The following SLC27A6 variants were observed in gnomAD, a reference collection of about 807,000 sequenced individuals.
The protein encoded by SLC27A6 is long-chain fatty acid transport protein 6.
In SLC27A6, 74 loss-of-function variants were observed where a neutral mutation model predicts 63.9. That is an observed-to-expected ratio of 1.16 (90% CI 0.96 to 1.40). SLC27A6 has a LOEUF of 1.40. SLC27A6 is among the 40% of genes most tolerant of loss of function. The probability of loss-of-function intolerance (pLI) is 0.00; values close to 1 mark genes in which losing one functional copy is unlikely to be tolerated. For missense variants in SLC27A6, 794 were observed against 732.9 expected (o/e 1.08, Z -0.96); for synonymous variants, 287 against 260.8 (o/e 1.10, Z -0.97).
intron 5 of SLC27A6, among the ~76,000 whole-genome samples, chr5:129,017,292 C>G (rs946099457): frequency 2.6e-5 from 4 of 151,884 alleles, no homozygotes; most frequent in Non-Finnish European, 5.9e-5. Context: ...TAAAAGACAA[C>G]TAGATAACCT....
intron 4 of SLC27A6, 120 bp downstream of exon 4, chr5:128,990,584 GA>G: frequency 9.5e-7 from 1 of 1,053,214 alleles, no homozygotes; most frequent in South Asian, 1.7e-5. Flanking sequence ...TTTGTTCTTA[GA>G]GCTTCCAAGA....
intron 5 of SLC27A6, among the ~76,000 whole-genome samples, chr5:129,017,098 A>G (rs1288882485): frequency 6.6e-6 from 1 of 152,192 alleles, no homozygotes; most frequent in African/African-American, 2.4e-5. Context: ...ATAAGAAACC[A>G]CTAATCGACA....
chr5:128,997,686 A>G (rs766727124), intron 4 of SLC27A6, among the ~76,000 whole-genome samples: 2 of 152,206 alleles, frequency 1.3e-5, no homozygotes, highest in Non-Finnish European at 2.9e-5. Flanking sequence ...TATGCCATTT[A>G]TGCTAATTCC....
Position 128,982,195 on chromosome 5 carries a change from T to C in SLC27A6, c.482-2938T>C, listed in dbSNP as rs1429130185. 2.6e-5 allele frequency among the ~76,000 whole-genome samples: 4 copies of C among 152,290 alleles called. No homozygotes were observed. In the South Asian group the frequency reaches 8.3e-4, roughly 32 times the overall value. ...GACTCTTCTTTATCCCCTACATGACTCTTTTATTTTAACTTTCTCTATCCT... is the reference window on the plus strand; with the variant it reads ...GACTCTTCTTTATCCCCTACATGACCCTTTTATTTTAACTTTCTCTATCCT... On this transcript the variant is annotated intron_variant, in intron 1 of 9. Transcript: ENST00000262462.
In SLC27A6 at chr5:129,012,840, G is replaced by A. The variant is rs189579436; in HGVS notation, c.970-3045G>A. Among the ~76,000 whole-genome samples, 350 of 151,884 alleles carry A rather than the reference G, an allele frequency of 2.3e-3. 2 individuals are homozygous for A. The highest frequency in any genetic ancestry group is 8.1e-3 in the African/African-American group (336 of 41,482). On this transcript the variant is annotated intron_variant, in intron 4 of 9. Coordinates refer to ENST00000262462, the MANE Select transcript of SLC27A6 (RefSeq NM_001017372.3). ...TTTGGGCTTATGTAATATTTAAGAT[G>A]TATTTTTCATAAACAGGATATAGTT...
At chr5:129,010,212 T>C (rs989209414) in intron 4 of SLC27A6, among the ~76,000 whole-genome samples, 1 of 152,178 alleles carries the variant, frequency 6.6e-6, no homozygotes, top group Non-Finnish European at 1.5e-5. Flanking sequence ...CAGCACTATG[T>C]CAATGAGATT....
At chr5:129,005,737 C>T (rs1580730697) in intron 4 of SLC27A6, among the ~76,000 whole-genome samples, 2 of 151,236 alleles carry the variant, frequency 1.3e-5, no homozygotes, top group African/African-American at 2.4e-5. Flanking sequence ...CTCAGCCTCC[C>T]GAGTAGCTGG....
intron 5 of SLC27A6, among the ~76,000 whole-genome samples, chr5:129,020,533 T>C (rs534470638): frequency 1.3e-5 from 2 of 152,244 alleles, no homozygotes; most frequent in East Asian, 3.9e-4. Flanking sequence ...CTCCTACCTG[T>C]CATATTGGCA....
intron 4 of SLC27A6, among the ~76,000 whole-genome samples, chr5:128,990,704 T>C (rs1277741060): frequency 6.6e-6 from 1 of 152,158 alleles, no homozygotes. Context: ...GAATGGAACC[T>C]TGGGCCATGC....
intron 4 of SLC27A6, among the ~76,000 whole-genome samples, chr5:129,005,375 A>G (rs937021863): frequency 3.3e-5 from 5 of 152,182 alleles, no homozygotes; most frequent in African/African-American, 1.2e-4. Context: ...TGTAGCACCA[A>G]TGTATTGTCC....
intron 1 of SLC27A6, 102 bp downstream of exon 1, chr5:128,966,720 A>G (rs1274412998): frequency 3.3e-6 from 4 of 1,203,622 alleles, no homozygotes; most frequent in Non-Finnish European, 4.3e-6. Context: ...ATTTTGGGTG[A>G]GTGAAGTGTG....
chr5:129,029,639 G>GA lies in SLC27A6; in HGVS notation c.1620dup (p.Val541SerfsTer3), dbSNP rs777656600. ...AAAACCAAATACATCTTTAGATTTGGAAAAAGTTTATGAACAAGTTGTAAC... is the reference window on the plus strand; with the variant it reads ...AAAACCAAATACATCTTTAGATTTGGAAAAAAGTTTATGAACAAGTTGTAAC... On this transcript the variant is annotated frameshift_variant, in exon 9 of 10. Transcript: ENST00000262462. LOFTEE classifies it high-confidence loss of function. 1.9e-6 allele frequency: 3 copies of GA among 1,601,262 alleles called. No homozygotes were observed. Among genetic ancestry groups the GA allele is most frequent in the South Asian group, 2.3e-5 (2 of 88,648 alleles).
chr5:128,981,803 C>CTTTTCTTTTCT (rs1554096463), intron 1 of SLC27A6, among the ~76,000 whole-genome samples: 1 of 146,312 alleles, frequency 6.8e-6, no homozygotes. Context: ...GAGTTTTTTT[C>CTTTTCTTTTCT]TTTCTTTTCT....
chr5:128,970,675 G>A (rs1241286382), intron 1 of SLC27A6, among the ~76,000 whole-genome samples: 1 of 152,056 alleles, frequency 6.6e-6, no homozygotes, highest in African/African-American at 2.4e-5. Context: ...CTTGCTAGCA[G>A]TCTACCAATT....
At chr5:128,989,377 C>T (rs924704687) in intron 3 of SLC27A6, among the ~76,000 whole-genome samples, 2 of 152,118 alleles carry the variant, frequency 1.3e-5, no homozygotes, top group Admixed American at 6.5e-5. Context: ...GATTATGTGT[C>T]AGTTTCTAGA....
intron 4 of SLC27A6, among the ~76,000 whole-genome samples, chr5:128,999,409 C>T (rs949717383): frequency 2.6e-5 from 4 of 152,024 alleles, no homozygotes; most frequent in Non-Finnish European, 5.9e-5. Flanking sequence ...TGTTGGCATG[C>T]CCCTGACTCA....
chr5:128,985,073 C>A, intron 1 of SLC27A6, 60 bp from the exon 2 acceptor site: 1 of 1,266,148 alleles, frequency 7.9e-7, no homozygotes, highest in South Asian at 1.3e-5. Flanking sequence ...AAAGCAACTC[C>A]AAAGTGAATT....
intron 5 of SLC27A6, 40 bp downstream of exon 5, chr5:129,016,119 G>A (rs769851041): frequency 2.1e-6 from 3 of 1,443,644 alleles, no homozygotes; most frequent in Non-Finnish European, 2.8e-6. Context: ...ATACATCGGT[G>A]CGGTGGCTCA....
chr5:129,005,915 G>T (rs543290816), intron 4 of SLC27A6, among the ~76,000 whole-genome samples: 1 of 151,258 alleles, frequency 6.6e-6, no homozygotes, highest in African/African-American at 2.4e-5. Context: ...GCCGGCCTAG[G>T]TCTGGTTTTG....
Sources: gnomAD v4.1 joint callset for allele counts (sites outside exome capture counted in the v4.1 genomes callset) on GRCh38, gnomAD v4.1.1 for gene constraint, MANE v1.5 for transcripts, NCBI Gene and HGNC (gene_info 2026-07-23, HGNC 2026-07-21) for gene names.